The following CCDC171 variants were observed in gnomAD, a reference collection of about 807,000 sequenced individuals.
CCDC171 encodes the protein coiled-coil domain-containing protein 171.
CCDC171 carries 177 observed loss-of-function variants against 168.2 expected under a neutral mutation model. The observed-to-expected ratio is 1.05, with a 90% CI of 0.93 to 1.19. The LOEUF (loss-of-function observed/expected upper bound fraction) is 1.19, where lower values mean the gene tolerates loss of function less well. CCDC171 is among the 50% of genes most tolerant of loss of function. The pLI, the probability that CCDC171 is intolerant of heterozygous loss-of-function variation, is 0.00. For missense variants in CCDC171, 1,991 were observed against 1,539.0 expected (o/e 1.29, Z -4.91); for synonymous variants, 687 against 540.8 (o/e 1.27, Z -3.75).
chr9:15,627,108 G>T (rs1231966405), intron 7 of CCDC171, among the ~76,000 whole-genome samples: 1 of 152,162 alleles, frequency 6.6e-6, no homozygotes, highest in Non-Finnish European at 1.5e-5. Flanking sequence ...TTGCATAGAG[G>T]TGTTCATAGT....
At chr9:16,087,507 C>G in the CCDC171 span, among the ~76,000 whole-genome samples, 1 of 139,452 alleles carries the variant, frequency 7.2e-6, no homozygotes, top group African/African-American at 2.7e-5. Context: ...CTTTTTTGAT[C>G]TTTGTTGGTT....
rs2053681352 is a variant in CCDC171, at chr9:15,724,633, T to A, written c.1492-143T>A. 6.8e-6 allele frequency: 4 copies of A among 584,472 alleles called. No individual in the cohort carries two copies. The Admixed American group carries it at 1.1e-4, about 16-fold the overall frequency. The allele number at this position is 584,472 out of a possible 1,614,324, so 36.2% of individuals were successfully genotyped here. On this transcript the variant is annotated intron_variant, in intron 13 of 25. Transcript: ENST00000380701. ...TAGAAAATACATTCAGTAAAATATT[T>A]TAATGTAAACAAATGCTTGCCTGCC...
intron 10 of CCDC171, among the ~76,000 whole-genome samples, chr9:15,692,699 T>G (rs2050901199): frequency 6.6e-6 from 1 of 151,698 alleles, no homozygotes; most frequent in African/African-American, 2.4e-5. Flanking sequence ...AGCTAATTTT[T>G]TGTATATTTA....
At chr9:15,860,245 G>T (rs1227531174) in intron 23 of CCDC171, among the ~76,000 whole-genome samples, 3 of 150,602 alleles carry the variant, frequency 2.0e-5, no homozygotes, top group South Asian at 2.1e-4. Context: ...TCTCTATTGT[G>T]TTTTTCTGTT....
At chr9:15,586,215 A>G (rs2041545205) in intron 4 of CCDC171, among the ~76,000 whole-genome samples, 1 of 152,216 alleles carries the variant, frequency 6.6e-6, no homozygotes, top group African/African-American at 2.4e-5. Flanking sequence ...TGAATATCTG[A>G]TAAAGCAAAT....
chr9:15,601,233 G>C (rs553757983), intron 6 of CCDC171, among the ~76,000 whole-genome samples: 2 of 152,306 alleles, frequency 1.3e-5, no homozygotes, highest in South Asian at 4.1e-4. Context: ...CGCTCTTGCT[G>C]GGAGCTGTAG....
chr9:15,784,841 C>G (rs995014173), intron 21 of CCDC171, 147 bp downstream of exon 21: 3 of 586,428 alleles, frequency 5.1e-6, no homozygotes, highest in Non-Finnish European at 8.4e-6. Context: ...TTTCTGAGAC[C>G]TCAGTTATAA....
At chr9:15,643,254 A>G (rs1023902927) in intron 7 of CCDC171, among the ~76,000 whole-genome samples, 4 of 152,098 alleles carry the variant, frequency 2.6e-5, no homozygotes, top group Non-Finnish European at 4.4e-5. Flanking sequence ...TAAAATGAGT[A>G]TACTAGGTAC....
At chr9:15,880,552 G>A (rs1489509248) in intron 24 of CCDC171, among the ~76,000 whole-genome samples, 1 of 151,024 alleles carries the variant, frequency 6.6e-6, no homozygotes, top group South Asian at 2.1e-4. Flanking sequence ...CCGCAACCGG[G>A]TTCAAGCGAA....
chr9:15,977,677 C>T (rs1831665273), downstream of CCDC171, among the ~76,000 whole-genome samples: 2 of 152,144 alleles, frequency 1.3e-5, no homozygotes, highest in Non-Finnish European at 1.5e-5. Context: ...ACAGAGTCCT[C>T]CCAGTGAAGC....
At chr9:15,735,556 G>A (rs932860166) in intron 16 of CCDC171, among the ~76,000 whole-genome samples, 15 of 152,162 alleles carry the variant, frequency 9.9e-5, no homozygotes, top group African/African-American at 3.6e-4. Context: ...CAAAACTCAG[G>A]GAGATTCAGG....
At chr9:15,571,865 T>G in intron 3 of CCDC171, 106 bp downstream of exon 3, 1 of 1,014,362 alleles carries the variant, frequency 9.9e-7, no homozygotes, top group Non-Finnish European at 1.4e-6. Context: ...ATACCATTCT[T>G]GGGCTTAAAA....
At chr9:15,888,783 A>C (rs866567714) in intron 24 of CCDC171, among the ~76,000 whole-genome samples, 15 of 151,850 alleles carry the variant, frequency 9.9e-5, no homozygotes, top group African/African-American at 3.1e-4. Flanking sequence ...GAAATTCCAC[A>C]CTCCAGAATG....
intron 25 of CCDC171, among the ~76,000 whole-genome samples, chr9:15,939,675 T>C (rs1478310360): frequency 6.6e-6 from 1 of 151,892 alleles, no homozygotes; most frequent in East Asian, 1.9e-4. Context: ...CTTCCACCAC[T>C]TCCCCGAGCA....
At chr9:15,661,563 A>G (rs1177135451) in intron 8 of CCDC171, among the ~76,000 whole-genome samples, 1 of 152,218 alleles carries the variant, frequency 6.6e-6, no homozygotes, top group African/African-American at 2.4e-5. Flanking sequence ...AAGTATTTTC[A>G]ATGAGGTACA....
At chr9:15,967,353 G>A (rs902634922) in intron 25 of CCDC171, among the ~76,000 whole-genome samples, 2 of 152,214 alleles carry the variant, frequency 1.3e-5, no homozygotes, top group African/African-American at 4.8e-5. Context: ...GGAGTTTGAA[G>A]TAATGAAAAG....
chr9:15,883,151 G>C, intron 24 of CCDC171: 1 of 389,060 alleles, frequency 2.6e-6, no homozygotes, highest in Non-Finnish European at 5.2e-6. Flanking sequence ...GCCTCAGCCT[G>C]CTGAGTACCT....
At chr9:15,776,202 A>G (rs911665858) in intron 18 of CCDC171, 30 of 152,214 alleles carry the variant, frequency 2.0e-4, no homozygotes, top group South Asian at 1.0e-3. Context: ...ACGCTTCACA[A>G]ACTTGCGTGT....
At chr9:15,630,288 G>A (rs559560904) in intron 7 of CCDC171, among the ~76,000 whole-genome samples, 34 of 152,174 alleles carry the variant, frequency 2.2e-4, no homozygotes, top group Admixed American at 9.2e-4. Flanking sequence ...CCCATCTCAC[G>A]TGCAGAGACA....
Sources: allele counts gnomAD v4.1 joint callset (sites outside exome capture counted in the v4.1 genomes callset), GRCh38; gene constraint gnomAD v4.1.1; transcripts MANE v1.5; gene names NCBI Gene and HGNC (gene_info 2026-07-23, HGNC 2026-07-21).